Variants in INSYN2B observed in about 807,000 individuals in gnomAD.
INSYN2B encodes the protein protein INSYN2B.
In INSYN2B, 16 loss-of-function variants were observed where a neutral mutation model predicts 41.2. The observed-to-expected ratio is 0.39, with a 90% confidence interval of 0.26 to 0.59. The LOEUF (loss-of-function observed/expected upper bound fraction) is 0.59, where lower values mean the gene tolerates loss of function less well. INSYN2B is among the 20% of genes least tolerant of loss of function. The pLI, the probability that INSYN2B is intolerant of heterozygous loss-of-function variation, is 0.57. For synonymous variants in INSYN2B, 245 were observed against 244.4 expected (o/e 1.00, Z -0.02); for missense variants, 608 against 646.4 (o/e 0.94, Z 0.64).
At chr5:169,932,304 C>T (rs924514260) in intron 1 of INSYN2B, among the ~76,000 whole-genome samples, 16 of 152,098 alleles carry the variant, frequency 1.1e-4, no homozygotes, top group Non-Finnish European at 2.4e-4. Context: ...TATGAAGGGA[C>T]TGCATGGAGT....
chr5:169,865,758 A>G (rs1293673528), intron 3 of INSYN2B, among the ~76,000 whole-genome samples: 1 of 152,204 alleles, frequency 6.6e-6, no homozygotes, highest in Non-Finnish European at 1.5e-5. Flanking sequence ...AGGAAAATGA[A>G]ATGTTGCATC....
In INSYN2B at chr5:169,889,378, T is replaced by C. The variant is rs370319632; in HGVS notation, c.-918-4562A>G. Among the ~76,000 whole-genome samples, 224 of 152,338 alleles carry C rather than the reference T, an allele frequency of 1.5e-3. 1 individual carries two copies. Among genetic ancestry groups the C allele is most frequent in the African/African-American group, 4.7e-3 (196 of 41,580 alleles). On this transcript the variant is annotated intron_variant, in intron 1 of 3. Coordinates refer to ENST00000377365, the MANE Select transcript of INSYN2B (RefSeq NM_001129891.3). ...TTAGATTCTGTTGTGAGGTGGGCAC[T>C]GTAATAAATACTGTGGAGATTCCAA...
chr5:169,871,801 C>T (rs780905944), intron 3 of INSYN2B, among the ~76,000 whole-genome samples: 11 of 152,152 alleles, frequency 7.2e-5, no homozygotes, highest in Admixed American at 2.6e-4. Flanking sequence ...GCATGGGGGA[C>T]GCTTTATGGA....
chr5:169,928,286 C>G (rs551928563), intron 1 of INSYN2B, among the ~76,000 whole-genome samples: 89 of 152,274 alleles, frequency 5.8e-4, no homozygotes, highest in Non-Finnish European at 1.2e-4. Flanking sequence ...GGTGGGCCAG[C>G]CTGTTCTTGC....
chr5:169,874,374 C>T (rs556788919), intron 3 of INSYN2B, among the ~76,000 whole-genome samples: 77 of 133,068 alleles, frequency 5.8e-4, no homozygotes, highest in Middle Eastern at 4.9e-3. Context: ...GATTGTGCAA[C>T]TGCACTCCAG....
chr5:169,917,684 A>G (rs1243732123), intron 1 of INSYN2B, among the ~76,000 whole-genome samples: 1 of 152,214 alleles, frequency 6.6e-6, no homozygotes, highest in Non-Finnish European at 1.5e-5. Context: ...AATGAAGGGG[A>G]GAACATGTCC....
chr5:169,978,507 T>C (rs1032139250), intron 1 of INSYN2B, among the ~76,000 whole-genome samples: 7 of 151,972 alleles, frequency 4.6e-5, no homozygotes, highest in African/African-American at 1.5e-4. Context: ...ATGATGATGA[T>C]GAATTTTTTA....
At chr5:169,923,473 A>T (rs1775281437) in intron 1 of INSYN2B, among the ~76,000 whole-genome samples, 1 of 134,740 alleles carries the variant, frequency 7.4e-6, no homozygotes, top group South Asian at 2.5e-4. Context: ...GTGCGTGTGC[A>T]TGCACGTGGG....
intron 1 of INSYN2B, among the ~76,000 whole-genome samples, chr5:169,890,562 T>G (rs1030388133): frequency 3.3e-5 from 5 of 152,170 alleles, no homozygotes; most frequent in African/African-American, 9.7e-5. Context: ...GCTTTCTCAG[T>G]AAGGAAAAGG....
intron 1 of INSYN2B, among the ~76,000 whole-genome samples, chr5:169,970,564 T>C (rs1335405315): frequency 1.3e-5 from 2 of 152,224 alleles, no homozygotes; most frequent in Non-Finnish European, 2.9e-5. Flanking sequence ...CCAACCTCTC[T>C]GGTCCATGGT....
intron 1 of INSYN2B, among the ~76,000 whole-genome samples, chr5:169,975,255 C>T (rs1777675133): frequency 6.6e-6 from 1 of 152,200 alleles, no homozygotes; most frequent in African/African-American, 2.4e-5. Context: ...GGAACAACTC[C>T]AGTCTAGTGC....
At chr5:169,922,373 G>T (rs1395024730) in intron 1 of INSYN2B, among the ~76,000 whole-genome samples, 3 of 152,192 alleles carry the variant, frequency 2.0e-5, no homozygotes, top group African/African-American at 7.2e-5. Context: ...TAAAAATAAT[G>T]TAATGTAAAT....
intron 1 of INSYN2B, among the ~76,000 whole-genome samples, chr5:169,956,434 A>T (rs1167787898): frequency 6.6e-6 from 1 of 152,220 alleles, no homozygotes; most frequent in East Asian, 1.9e-4. Context: ...TTGTATTAGA[A>T]AGATTACTGC....
chr5:169,877,943 A>T (rs1284289436), intron 3 of INSYN2B, among the ~76,000 whole-genome samples: 1 of 152,116 alleles, frequency 6.6e-6, no homozygotes, highest in Admixed American at 6.6e-5. Flanking sequence ...TGGATGGGAG[A>T]TGAAAAGTTT....
At chr5:169,906,934 C>A (rs536802441) in intron 1 of INSYN2B, among the ~76,000 whole-genome samples, 1 of 152,278 alleles carries the variant, frequency 6.6e-6, no homozygotes, top group Non-Finnish European at 1.5e-5. Flanking sequence ...GAGGGAAATA[C>A]TATCATTCAA....
intron 1 of INSYN2B, among the ~76,000 whole-genome samples, chr5:169,965,719 A>G (rs1777274038): frequency 6.6e-6 from 1 of 152,186 alleles, no homozygotes; most frequent in Non-Finnish European, 1.5e-5. Context: ...ACATCTCTCT[A>G]ATTTCAGGAA....
chr5:169,953,964 G>C (rs1030167178), intron 1 of INSYN2B, among the ~76,000 whole-genome samples: 26 of 152,282 alleles, frequency 1.7e-4, no homozygotes, highest in African/African-American at 6.3e-4. Flanking sequence ...CATGGCAAAG[G>C]CTTCACAAGA....
At chr5:169,933,322 T>C (rs1360613897) in intron 1 of INSYN2B, among the ~76,000 whole-genome samples, 3 of 152,186 alleles carry the variant, frequency 2.0e-5, no homozygotes, top group African/African-American at 7.2e-5. Flanking sequence ...CTGGGGCTAA[T>C]CAAATACAGA....
chr5:169,957,789 G>C (rs1776927266), intron 1 of INSYN2B, among the ~76,000 whole-genome samples: 1 of 152,210 alleles, frequency 6.6e-6, no homozygotes, highest in Non-Finnish European at 1.5e-5. Context: ...AAAGCTGGTA[G>C]AGCTCCATGT....
Sources: allele counts gnomAD v4.1 joint callset (sites outside exome capture counted in the v4.1 genomes callset), GRCh38; gene constraint gnomAD v4.1.1; transcripts MANE v1.5; gene names NCBI Gene and HGNC (gene_info 2026-07-23, HGNC 2026-07-21).